NOL4: variants seen among roughly 807,000 people sequenced by gnomAD.
NOL4 encodes cancer/testis antigen 125.
NOL4 carries 17 observed loss-of-function variants against 75.9 expected under a neutral mutation model. That is an observed-to-expected ratio of 0.22 (90% CI 0.15 to 0.34). The LOEUF is 0.34. Among genes scored for constraint, NOL4 ranks in the 10% least tolerant of loss-of-function variants. NOL4 has a pLI of 1.00. For synonymous variants in NOL4, 292 were observed against 289.9 expected (o/e 1.01, Z -0.07); for missense variants, 614 against 793.5 (o/e 0.77, Z 2.72).
intron 5 of NOL4, among the ~76,000 whole-genome samples, chr18:34,056,649 A>C (rs2078413383): frequency 6.6e-6 from 1 of 152,184 alleles, no homozygotes; most frequent in East Asian, 1.9e-4. Context: ...GTAAAAGAAG[A>C]GCCCTTGTAT....
At chr18:33,951,157 C>T (rs1182790225) in intron 8 of NOL4, among the ~76,000 whole-genome samples, 1 of 152,078 alleles carries the variant, frequency 6.6e-6, no homozygotes, top group African/African-American at 2.4e-5. Context: ...CTTTTGGATT[C>T]AGTTTCCTTC....
At chr18:34,183,834 G>A (rs951269673) in intron 1 of NOL4, among the ~76,000 whole-genome samples, 4 of 151,792 alleles carry the variant, frequency 2.6e-5, no homozygotes, top group Non-Finnish European at 5.9e-5. Context: ...AAGAATGAGA[G>A]AATTTCAGAG....
intron 5 of NOL4, among the ~76,000 whole-genome samples, chr18:34,079,236 C>T (rs1259465140): frequency 2.0e-5 from 3 of 151,942 alleles, no homozygotes; most frequent in Admixed American, 6.6e-5. Flanking sequence ...CCTAATTATC[C>T]CCAACGAAGA....
intron 1 of NOL4, chr18:34,222,240 G>A: frequency 2.9e-6 from 4 of 1,402,898 alleles, no homozygotes; most frequent in Non-Finnish European, 2.8e-6. Context: ...CCAGAAAAAG[G>A]AACAAATACA....
At chr18:34,072,947 G>A (rs1332445670) in intron 5 of NOL4, among the ~76,000 whole-genome samples, 1 of 152,090 alleles carries the variant, frequency 6.6e-6, no homozygotes, top group Non-Finnish European at 1.5e-5. Flanking sequence ...CTAAAGTTGT[G>A]CTTAGAAAGA....
chr18:34,067,389 G>C (rs1181155123), intron 5 of NOL4, among the ~76,000 whole-genome samples: 1 of 152,044 alleles, frequency 6.6e-6, no homozygotes, highest in Non-Finnish European at 1.5e-5. Flanking sequence ...AACCCTGAAA[G>C]GGCTTTGAGT....
chr18:33,920,928 C>T lies in NOL4; in HGVS notation c.1542+22137G>A, dbSNP rs143068701. Among the ~76,000 whole-genome samples, 133 of 152,296 alleles carry T rather than the reference C, an allele frequency of 8.7e-4. No individual in the cohort carries two copies. In the East Asian group the frequency reaches 0.021, roughly 24 times the overall value. ...ATTGGCGAAGAGGTCGCGGCCACTG[C>T]CCAGGCTGGCCAAGAGGAAGGTGCA... On this transcript the variant is annotated intron_variant, in intron 9 of 10. Transcript: ENST00000261592.
At chr18:34,100,680 T>A (rs1411970429) in intron 4 of NOL4, among the ~76,000 whole-genome samples, 1 of 152,194 alleles carries the variant, frequency 6.6e-6, no homozygotes, top group African/African-American at 2.4e-5. Flanking sequence ...ACATTGGAAT[T>A]TCCCAAATCA....
chr18:33,935,301 CT>C (rs2067984892), intron 9 of NOL4, among the ~76,000 whole-genome samples: 1 of 152,118 alleles, frequency 6.6e-6, no homozygotes, highest in African/African-American at 2.4e-5. Context: ...ATCATTCTAG[CT>C]TTTGATTTAA....
intron 2 of NOL4, among the ~76,000 whole-genome samples, chr18:34,106,862 C>T (rs1038386707): frequency 2.6e-5 from 4 of 151,932 alleles, no homozygotes; most frequent in African/African-American, 9.7e-5. Flanking sequence ...GTCTATAATG[C>T]ATGCTTCATC....
At chr18:34,181,092 T>C (rs2033994736) in intron 1 of NOL4, among the ~76,000 whole-genome samples, 1 of 151,458 alleles carries the variant, frequency 6.6e-6, no homozygotes, top group Non-Finnish European at 1.5e-5. Flanking sequence ...AAATTTCATA[T>C]GGAAATGCAA....
intron 9 of NOL4, among the ~76,000 whole-genome samples, chr18:33,924,648 G>A (rs1294958203): frequency 6.6e-6 from 1 of 152,162 alleles, no homozygotes; most frequent in Non-Finnish European, 1.5e-5. Flanking sequence ...AGGCAATGCT[G>A]TTTTATTCCT....
chr18:34,191,251 C>T (rs535640738), intron 1 of NOL4, among the ~76,000 whole-genome samples: 3 of 152,216 alleles, frequency 2.0e-5, no homozygotes, highest in East Asian at 3.9e-4. Context: ...AAGTCTCACT[C>T]TCTTCATTTC....
intron 1 of NOL4, among the ~76,000 whole-genome samples, chr18:34,174,054 G>T (rs980193871): frequency 7.2e-5 from 11 of 152,132 alleles, no homozygotes; most frequent in African/African-American, 2.7e-4. Context: ...GTGAATCAGA[G>T]CCAGAGCAGC....
chr18:34,217,083 G>A (rs1184436338), intron 1 of NOL4, among the ~76,000 whole-genome samples: 1 of 151,860 alleles, frequency 6.6e-6, no homozygotes, highest in Non-Finnish European at 1.5e-5. Context: ...AGCTTACGGT[G>A]ATTATATTTT....
chr18:33,972,895 A>G (rs1389767506), intron 6 of NOL4, among the ~76,000 whole-genome samples: 1 of 152,208 alleles, frequency 6.6e-6, no homozygotes, highest in South Asian at 2.1e-4. Flanking sequence ...TCTTGCCCCC[A>G]TGTTGATGGT....
At chr18:33,942,689 A>G (rs897126018) in intron 9 of NOL4, among the ~76,000 whole-genome samples, 39 of 151,900 alleles carry the variant, frequency 2.6e-4, no homozygotes, top group Non-Finnish European at 1.3e-4. Flanking sequence ...AATTAAGGAG[A>G]GGTTGGTTCA....
chr18:33,873,173 T>G (rs1345673865), intron 10 of NOL4, among the ~76,000 whole-genome samples: 1 of 152,018 alleles, frequency 6.6e-6, no homozygotes, highest in African/African-American at 2.4e-5. Flanking sequence ...CGTGGGGGAT[T>G]GCTTAGCTTC....
At chr18:33,858,627 T>A (rs2062943168) in intron 10 of NOL4, among the ~76,000 whole-genome samples, 1 of 152,080 alleles carries the variant, frequency 6.6e-6, no homozygotes, top group South Asian at 2.1e-4. Context: ...GATTACACTA[T>A]AATTTGCCTT....
Sources: allele counts gnomAD v4.1 joint callset (sites outside exome capture counted in the v4.1 genomes callset), GRCh38; gene constraint gnomAD v4.1.1; transcripts MANE v1.5; gene names NCBI Gene and HGNC (gene_info 2026-07-23, HGNC 2026-07-21).